NIPAL2: variants seen among roughly 807,000 people sequenced by gnomAD.
NIPAL2 encodes the protein NIPA-like protein 2.
NIPAL2 carries 43 observed loss-of-function variants against 48.9 expected under a neutral mutation model. The observed-to-expected ratio is 0.88, with a 90% CI of 0.69 to 1.13. The LOEUF is 1.13. NIPAL2 is among the 50% of genes most tolerant of loss of function. The pLI, the probability that NIPAL2 is intolerant of heterozygous loss-of-function variation, is 0.00. For synonymous variants in NIPAL2, 167 were observed against 174.6 expected, an observed-to-expected ratio of 0.96 and a Z score of 0.34; for missense variants, 446 against 461.4, an observed-to-expected ratio of 0.97 and a Z score of 0.31.
intron 1 of NIPAL2, among the ~76,000 whole-genome samples, chr8:98,285,391 C>T (rs1472702782): frequency 2.0e-5 from 3 of 152,188 alleles, no homozygotes; most frequent in African/African-American, 7.2e-5. Context: ...AGCCTGGTAA[C>T]TCCAGCCTTG....
chr8:98,260,068 GAGA>G, intron 1 of NIPAL2, among the ~76,000 whole-genome samples: 1 of 152,218 alleles, frequency 6.6e-6, no homozygotes, highest in East Asian at 1.9e-4. Flanking sequence ...CACTTACAGT[GAGA>G]AGAAGGGGGT....
intron 1 of NIPAL2, among the ~76,000 whole-genome samples, chr8:98,292,056 C>A (rs1434379948): frequency 6.6e-6 from 1 of 152,220 alleles, no homozygotes; most frequent in African/African-American, 2.4e-5. Context: ...TATCAGCCAA[C>A]ACACACTGTG....
intron 6 of NIPAL2, among the ~76,000 whole-genome samples, chr8:98,211,448 A>C (rs1811311549): frequency 6.6e-6 from 1 of 152,294 alleles, no homozygotes; most frequent in South Asian, 2.1e-4. Flanking sequence ...CTGTTTCTAT[A>C]AGTAACTATC....
intron 1 of NIPAL2, among the ~76,000 whole-genome samples, chr8:98,265,607 G>T (rs1814671227): frequency 7.4e-6 from 1 of 135,136 alleles, no homozygotes; most frequent in African/African-American, 2.8e-5. Flanking sequence ...AGTTAGAATG[G>T]CAATCATTAA....
intron 1 of NIPAL2, among the ~76,000 whole-genome samples, chr8:98,269,534 T>A (rs370194815): frequency 3.3e-5 from 5 of 152,202 alleles, no homozygotes; most frequent in African/African-American, 4.8e-5. Context: ...TAGGTCTCAA[T>A]GGCGGGTTTA....
chr8:98,259,145 C>G (rs1386135877), intron 1 of NIPAL2, among the ~76,000 whole-genome samples: 2 of 130,972 alleles, frequency 1.5e-5, no homozygotes, highest in African/African-American at 2.9e-5. Flanking sequence ...GGCGCGATCT[C>G]GACTCACTGC....
At chr8:98,258,674 C>T (rs1423668079) in intron 1 of NIPAL2, among the ~76,000 whole-genome samples, 1 of 152,206 alleles carries the variant, frequency 6.6e-6, no homozygotes, top group Non-Finnish European at 1.5e-5. Context: ...TTCAACCAGT[C>T]ATATGCTTCT....
At chr8:98,196,225 T>C (rs1356587897) in intron 8 of NIPAL2, among the ~76,000 whole-genome samples, 1 of 152,250 alleles carries the variant, frequency 6.6e-6, no homozygotes, top group African/African-American at 2.4e-5. Flanking sequence ...ATAATTATCA[T>C]TATTATAAAA....
chr8:98,260,487 T>C (rs1201200441), intron 1 of NIPAL2, among the ~76,000 whole-genome samples: 1 of 151,820 alleles, frequency 6.6e-6, no homozygotes, highest in East Asian at 1.9e-4. Context: ...GGTCAGGGAG[T>C]TCCCTTTCCG....
At chr8:98,266,711 C>T (rs1814773715) in intron 1 of NIPAL2, among the ~76,000 whole-genome samples, 1 of 151,870 alleles carries the variant, frequency 6.6e-6, no homozygotes, top group South Asian at 2.1e-4. Context: ...ATCAGAAATT[C>T]ACCATTACAC....
At chr8:98,233,615 T>A (rs1812555554) in intron 4 of NIPAL2, among the ~76,000 whole-genome samples, 1 of 152,204 alleles carries the variant, frequency 6.6e-6, no homozygotes, top group African/African-American at 2.4e-5. Context: ...AGATCTGAAG[T>A]TATGAGAGTC....
At chr8:98,196,092 T>C (rs1810530663) in intron 8 of NIPAL2, 87 bp from the exon 9 acceptor site, 2 of 835,946 alleles carry the variant, frequency 2.4e-6, no homozygotes, top group African/African-American at 1.8e-5. Context: ...TATGTTAATA[T>C]GTTATTTTTT....
At chr8:98,281,939 T>G (rs190070817) in intron 1 of NIPAL2, among the ~76,000 whole-genome samples, 1 of 152,348 alleles carries the variant, frequency 6.6e-6, no homozygotes, top group East Asian at 1.9e-4. Flanking sequence ...AGGATACCTG[T>G]GATGGCATTT....
chr8:98,203,180 T>C lies in NIPAL2; in HGVS notation c.808A>G (p.Thr270Ala). The C allele has an allele frequency of 6.2e-7, 1 of 1,614,126 alleles. No individual in the cohort carries two copies. The highest frequency in any genetic ancestry group is 1.3e-5 in the African/African-American group (1 of 75,048). ...ACTGTTGTCGTATTGTAGAGTTTCG[T>C]GGCTTGATTCAGGAACCTAGGGCAG... ...VFQVKFLNQATKLYNTTTVVP... is the reference protein window; with the variant it reads ...VFQVKFLNQAAKLYNTTTVVP... The change falls in exon 8 of 11, where the codon ACG becomes GCG. Residue 270 changes from threonine to alanine, a missense_variant. Coordinates refer to ENST00000430223, the MANE Select transcript of NIPAL2 (RefSeq NM_001321635.2).
At chr8:98,202,942 C>A (rs1481736633) in intron 8 of NIPAL2, among the ~76,000 whole-genome samples, 166 bp downstream of exon 8, 2 of 152,192 alleles carry the variant, frequency 1.3e-5, no homozygotes, top group East Asian at 3.8e-4. Flanking sequence ...AGCATTCACA[C>A]AAAGTAGAGG....
chr8:98,221,375 T>A (rs569329298), intron 5 of NIPAL2, among the ~76,000 whole-genome samples: 173 of 151,638 alleles, frequency 1.1e-3, no homozygotes, highest in South Asian at 4.2e-3. Flanking sequence ...TTTTTTTTTT[T>A]AAATAAATCA....
At chr8:98,268,104 G>T (rs1318194265) in intron 1 of NIPAL2, among the ~76,000 whole-genome samples, 1 of 152,136 alleles carries the variant, frequency 6.6e-6, no homozygotes, top group Non-Finnish European at 1.5e-5. Flanking sequence ...AGAAACAAGT[G>T]GGCAGAGATA....
chr8:98,245,464 T>C (rs1349852232), intron 3 of NIPAL2, among the ~76,000 whole-genome samples: 1 of 152,190 alleles, frequency 6.6e-6, no homozygotes, highest in African/African-American at 2.4e-5. Flanking sequence ...TCATGTTGAT[T>C]AAAAAAATTG....
rs1477281478 is a variant in NIPAL2 at position 98,189,938 on chromosome 8, A to G, written c.*3040T>C. On this transcript the variant is annotated 3_prime_UTR_variant, in exon 11 of 11. Transcript: ENST00000430223. Reference sequence around the variant, plus strand: ...AAGCCAAAAAACAATCATATGGCAAAGGCCTCTGCTTTAATCTACTACATG... The same window carrying G: ...AAGCCAAAAAACAATCATATGGCAAGGGCCTCTGCTTTAATCTACTACATG... The G allele has an allele frequency of 2.0e-5, 3 of 152,202 alleles. No individual in the cohort carries two copies. The highest frequency in any genetic ancestry group is 7.2e-5 in the African/African-American group (3 of 41,458). The allele number at this position is 152,202 out of a possible 1,614,324, so 9.4% of individuals were successfully genotyped here. A position where few individuals can be genotyped will look rare whatever the true frequency, so the allele number is the denominator to read the frequency against.
Sources: allele counts gnomAD v4.1 joint callset (sites outside exome capture counted in the v4.1 genomes callset), GRCh38; gene constraint gnomAD v4.1.1; transcripts MANE v1.5; gene names NCBI Gene and HGNC (gene_info 2026-07-23, HGNC 2026-07-21).